WSCD1: variants seen among roughly 807,000 people sequenced by gnomAD.
WSCD1 encodes the protein WSC domain sialate O sulfotransferase 1, also known as sialate:O-sulfotransferase 1.
WSCD1 carries 41 observed loss-of-function variants against 60.4 expected under a neutral mutation model. The ratio of observed to expected loss-of-function variants is 0.68; its 90% CI spans 0.53 to 0.88. The LOEUF (loss-of-function observed/expected upper bound fraction) is 0.88. Ranked by LOEUF, WSCD1 falls within the 40% of genes least tolerant of loss-of-function variation. WSCD1 has a pLI of 0.00. For missense variants in WSCD1, 784 were observed against 796.2 expected (o/e 0.98, Z 0.18); for synonymous variants, 361 against 332.5 (o/e 1.09, Z -0.93).
At chr17:6,077,102 T>C (rs1037954828) in intron 1 of WSCD1, among the ~76,000 whole-genome samples, 10 of 150,846 alleles carry the variant, frequency 6.6e-5, no homozygotes, top group African/African-American at 2.4e-4. Context: ...TTTTTTTTTT[T>C]TTTTTGAGAC....
intron 1 of WSCD1, chr17:6,077,838 CA>C (rs1382023962): frequency 6.6e-6 from 1 of 152,204 alleles, no homozygotes; most frequent in African/African-American, 2.4e-5. Flanking sequence ...TTCAGTTATA[CA>C]GGATTAATGT....
intron 5 of WSCD1, among the ~76,000 whole-genome samples, chr17:6,107,145 G>C (rs1911132089): frequency 6.6e-6 from 1 of 152,194 alleles, no homozygotes; most frequent in South Asian, 2.1e-4. Flanking sequence ...CCCTTGGTCT[G>C]TGTGTTGGCT....
rs530982732 is a variant in WSCD1, at chr17:6,106,675, C to T, written c.850-2932C>T. On this transcript the variant is annotated intron_variant, in intron 5 of 8. Transcript: ENST00000317744. Reference sequence around the variant, plus strand: ...TGCTGCCTGTCTTGATTGAATGGTACACCTGGGATCAGAGCATGTCATCAG... The same window carrying T: ...TGCTGCCTGTCTTGATTGAATGGTATACCTGGGATCAGAGCATGTCATCAG... 1.1e-4 allele frequency among the ~76,000 whole-genome samples: 16 copies of T among 152,252 alleles called. No individual in the cohort carries two copies. In the East Asian group the frequency reaches 2.9e-3, roughly 28 times the overall value.
chr17:6,072,195 A>G (rs1908587652), intron 1 of WSCD1, among the ~76,000 whole-genome samples: 1 of 152,222 alleles, frequency 6.6e-6, no homozygotes. Context: ...GGAAGTGAAG[A>G]GAAGCTGGGA....
At chr17:6,091,595 T>C (rs1349192717) in intron 4 of WSCD1, among the ~76,000 whole-genome samples, 1 of 152,206 alleles carries the variant, frequency 6.6e-6, no homozygotes, top group Non-Finnish European at 1.5e-5. Context: ...ATCCGCTTCC[T>C]CTAATCACAG....
chr17:6,109,516 A>G, intron 5 of WSCD1, 91 bp from the exon 6 acceptor site: 2 of 1,518,500 alleles, frequency 1.3e-6, no homozygotes, highest in South Asian at 1.3e-5. Flanking sequence ...AGCTGGCAAT[A>G]CATCGTCCAT....
At chr17:6,069,386 G>GGTGAGT, upstream of WSCD1, 1 of 374,740 alleles carries the variant, frequency 2.7e-6, no homozygotes, top group African/African-American at 2.5e-5. Flanking sequence ...TTTCCACCTC[G>GGTGAGT]GTGCGTGTGT....
In WSCD1 at chr17:6,109,679, G is replaced by A. The variant is rs769011512; in HGVS notation, c.922G>A (p.Asp308Asn). Reference protein sequence around the residue: ...AYPTPRFNLRDAMDSSVCGQD... With the variant: ...AYPTPRFNLRNAMDSSVCGQD... ...CCCTACCCCCCGGTTCAACCTGCGG[G>A]ATGCCATGGACAGCTCAGTATGTGG... Residue 308 changes from aspartate (D) to asparagine (N), a missense_variant, in exon 6 of 9, where the codon GAT becomes AAT. Coordinates refer to ENST00000317744, the MANE Select transcript of WSCD1 (RefSeq NM_015253.2). 20 of 1,614,068 alleles carry A rather than the reference G, an allele frequency of 1.2e-5. No individual in the cohort carries two copies. Among genetic ancestry groups the A allele is most frequent in the Middle Eastern group, 1.6e-4 (1 of 6,084 alleles).
chr17:6,098,811 C>T (rs1014555167), intron 5 of WSCD1, among the ~76,000 whole-genome samples: 9 of 152,142 alleles, frequency 5.9e-5, no homozygotes, highest in African/African-American at 1.2e-4. Context: ...AATGCTGAGA[C>T]GGTGGGCACA....
chr17:6,097,669 G>A (rs372920437), intron 5 of WSCD1, among the ~76,000 whole-genome samples: 4 of 152,340 alleles, frequency 2.6e-5, no homozygotes, highest in East Asian at 1.9e-4. Context: ...GTGTATGTAC[G>A]TAGATCACTT....
intron 5 of WSCD1, among the ~76,000 whole-genome samples, chr17:6,095,534 C>G (rs1910368232): frequency 6.6e-6 from 1 of 152,240 alleles, no homozygotes; most frequent in Non-Finnish European, 1.5e-5. Context: ...GGTTTGGAAG[C>G]CAGAAGATGC....
chr17:6,084,073 G>A (rs530037190), intron 2 of WSCD1, among the ~76,000 whole-genome samples: 1 of 151,622 alleles, frequency 6.6e-6, no homozygotes, highest in South Asian at 2.1e-4. Context: ...GCCCTGGGCC[G>A]CTGGGGTGCC....
intron 5 of WSCD1, among the ~76,000 whole-genome samples, chr17:6,100,266 G>A (rs1018016681): frequency 2.6e-5 from 4 of 152,192 alleles, no homozygotes; most frequent in African/African-American, 9.6e-5. Context: ...ATGTGGGAGG[G>A]AAGTTCTCCT....
At position 6,075,419 on chromosome 17, in the gene WSCD1, C is replaced by T. The variant is rs73974648; in HGVS notation, c.-289+4767C>T. Among the ~76,000 whole-genome samples, 1,585 of 152,214 alleles carry T rather than the reference C, an allele frequency of 0.01. 20 individuals are homozygous for T. Among genetic ancestry groups the T allele is most frequent in the African/African-American group, 0.036 (1,502 of 41,502 alleles). On this transcript the variant is annotated intron_variant, in intron 1 of 8. Transcript: ENST00000317744. This position sits in a 1 kb window ranked among gnomAD's most constrained non-coding sequence, Gnocchi z 4.1. ...CTCCTCTCCTCTCCCTGCTGCCACCCCTCAGTCTCTGGACCCCTAGCCTGG... is the reference window on the plus strand; with the variant it reads ...CTCCTCTCCTCTCCCTGCTGCCACCTCTCAGTCTCTGGACCCCTAGCCTGG...
chr17:6,090,589 C>G (rs1909969818), intron 4 of WSCD1, 84 bp downstream of exon 4: 6 of 1,526,890 alleles, frequency 3.9e-6, no homozygotes, highest in Admixed American at 2.2e-5. Context: ...CTCAATGAAA[C>G]TACCTGGGGC....
rs760128753 is a variant in WSCD1 at position 6,080,994 on chromosome 17, G to GCGT, written c.339_341dup (p.Arg115dup). On this transcript the variant is annotated inframe_insertion, in exon 2 of 9. Transcript: ENST00000317744. The surrounding 1 kb of genome is among the most constrained non-coding windows in gnomAD (Gnocchi z 6.6). Reference sequence around the variant, plus strand: ...GCCGCAACTCGGAGCTGCGTCAGTTGCGTCGCCGCTGGTTCCACCACTTCA... The same window carrying GCGT: ...GCCGCAACTCGGAGCTGCGTCAGTTGCGTCGTCGCCGCTGGTTCCACCACTTCA... The GCGT allele has an allele frequency of 6.5e-7, 1 of 1,546,580 alleles. No homozygotes were observed.
At chr17:6,072,690 T>C (rs936167914) in intron 1 of WSCD1, among the ~76,000 whole-genome samples, 8 of 152,218 alleles carry the variant, frequency 5.3e-5, no homozygotes, top group African/African-American at 1.7e-4. Flanking sequence ...GCTGCTCATC[T>C]GGGGAATGAG....
rs146229547 is a variant in WSCD1 at position 6,107,669 on chromosome 17, C to T, written c.850-1938C>T. Among the ~76,000 whole-genome samples, 374 of 152,240 alleles carry T rather than the reference C, an allele frequency of 2.5e-3. 2 individuals are homozygous for T. Among genetic ancestry groups the T allele is most frequent in the Middle Eastern group, 0.01 (3 of 292 alleles). ...TGGGCCGCCGTGTGCCGTGGACATCCGGGCTGCTTGTTTCTGCTGCTCCCT... is the reference window on the plus strand; with the variant it reads ...TGGGCCGCCGTGTGCCGTGGACATCTGGGCTGCTTGTTTCTGCTGCTCCCT... On this transcript the variant is annotated intron_variant, in intron 5 of 8. Coordinates refer to ENST00000317744, the MANE Select transcript of WSCD1 (RefSeq NM_015253.2).
chr17:6,080,552 A>G lies in WSCD1; in HGVS notation c.-107A>G. ...CCCCAGGCGAGCACAGGCAGGTGCCAGGAGCCAGGATGCAAGGATGACGCC... is the reference window on the plus strand; with the variant it reads ...CCCCAGGCGAGCACAGGCAGGTGCCGGGAGCCAGGATGCAAGGATGACGCC... On this transcript the variant is annotated 5_prime_UTR_variant, in exon 2 of 9. Transcript: ENST00000317744. This position sits in a 1 kb window ranked among gnomAD's most constrained non-coding sequence, Gnocchi z 6.6. The G allele has an allele frequency of 8.2e-7, 1 of 1,224,802 alleles. No homozygotes were observed. Among genetic ancestry groups the G allele is most frequent in the African/African-American group, 1.5e-5 (1 of 65,500 alleles). The allele number at this position is 1,224,802 out of a possible 1,614,324, so 75.9% of individuals were successfully genotyped here.
Sources: allele counts gnomAD v4.1 joint callset (sites outside exome capture counted in the v4.1 genomes callset), GRCh38; gene constraint gnomAD v4.1.1; non-coding constraint Gnocchi (gnomAD v3.1); transcripts MANE v1.5; gene names NCBI Gene and HGNC (gene_info 2026-07-23, HGNC 2026-07-21).